The following LANCL3 variants were observed in gnomAD, a reference collection of about 807,000 sequenced individuals.
LANCL3 encodes lanC-like protein 3.
A neutral mutation model predicts 26.5 loss-of-function variants in LANCL3; 19 were observed. The observed-to-expected ratio is 0.72, with a 90% CI of 0.50 to 1.05. LANCL3 has a LOEUF of 1.05. LANCL3 is among the 50% of genes least tolerant of loss of function. The pLI is 0.00. For missense variants in LANCL3, 318 were observed against 362.7 expected, an observed-to-expected ratio of 0.88 and a Z score of 1.00; for synonymous variants, 160 against 166.6, an observed-to-expected ratio of 0.96 and a Z score of 0.30.
intron 1 of LANCL3, among the ~76,000 whole-genome samples, chrX:37,631,510 CT>C (rs1465990618): frequency 6.3e-5 from 7 of 111,210 alleles, no homozygotes; most frequent in South Asian, 3.8e-4. Context: ...AATGTGTTTG[CT>C]CTTGCTTTTC....
intron 1 of LANCL3, among the ~76,000 whole-genome samples, chrX:37,617,979 G>A (rs1380540237): frequency 8.9e-6 from 1 of 112,125 alleles, no homozygotes; most frequent in Non-Finnish European, 1.9e-5. Flanking sequence ...GCTTCAGTCA[G>A]AAGTAGGGTG....
At chrX:37,580,317 G>A (rs183841897) in intron 1 of LANCL3, among the ~76,000 whole-genome samples, 197 of 111,988 alleles carry the variant, frequency 1.8e-3, no homozygotes, top group African/African-American at 6.1e-3. Context: ...GACTAACGAT[G>A]ACTGATCACT....
At position 37,592,533 on chromosome X, in the gene LANCL3, A is replaced by G. The variant is rs187941883; in HGVS notation, c.573+20090A>G. The stretch of plus-strand genomic sequence containing the variant: ...AAATCTATAATTAATATTGTCAGAG[A>G]AGAAAGTAATCACATGTCTGAAATG... On this transcript the variant is annotated intron_variant, in intron 1 of 4. Coordinates refer to ENST00000378619, the MANE Select transcript of LANCL3 (RefSeq NM_001170331.2). Among the ~76,000 whole-genome samples, 115 of 112,456 alleles carry G rather than the reference A, an allele frequency of 1.0e-3. 1 individual carries two copies. The highest frequency in any genetic ancestry group is 2.8e-4 in the Non-Finnish European group (15 of 53,301).
intron 1 of LANCL3, among the ~76,000 whole-genome samples, chrX:37,654,948 C>A (rs1926247134): frequency 8.9e-6 from 1 of 112,271 alleles, no homozygotes; most frequent in Non-Finnish European, 1.9e-5. Flanking sequence ...CCAGGAAGGG[C>A]AGGATGCAAA....
Position 37,677,424 on chromosome X carries a change from A to G in LANCL3, c.*1611A>G, listed in dbSNP as rs1926842976. Reference sequence around the variant, plus strand: ...ATCTGACCAAAGAAAGGTAACAACTATCTTTGTGTATTTTATGACTGTGTG... The same window carrying G: ...ATCTGACCAAAGAAAGGTAACAACTGTCTTTGTGTATTTTATGACTGTGTG... On this transcript the variant is annotated 3_prime_UTR_variant, in exon 5 of 5. Coordinates refer to ENST00000378619, the MANE Select transcript of LANCL3 (RefSeq NM_001170331.2). The G allele has an allele frequency of 8.9e-6, 1 of 111,796 alleles. No homozygotes were observed. The highest frequency in any genetic ancestry group is 1.9e-5 in the Non-Finnish European group (1 of 53,071). The allele number at this position is 111,796 out of a possible 1,213,427, so 9.2% of individuals were successfully genotyped here.
intron 1 of LANCL3, among the ~76,000 whole-genome samples, chrX:37,615,103 T>G (rs1924970363): frequency 1.8e-5 from 2 of 112,101 alleles, no homozygotes; most frequent in South Asian, 7.4e-4. Flanking sequence ...GCCTCACAGA[T>G]GGTAAATTGT....
At chrX:37,579,606 G>A (rs1173869875) in intron 1 of LANCL3, among the ~76,000 whole-genome samples, 3 of 111,434 alleles carry the variant, frequency 2.7e-5, no homozygotes, top group African/African-American at 9.8e-5. Flanking sequence ...AGTATTTTTG[G>A]ACCCCGGATG....
At chrX:37,618,276 C>T (rs1429734559) in intron 1 of LANCL3, among the ~76,000 whole-genome samples, 3 of 112,251 alleles carry the variant, frequency 2.7e-5, no homozygotes, top group African/African-American at 9.7e-5. Flanking sequence ...ACATGTGACC[C>T]TGTGTCTCTT....
intron 1 of LANCL3, among the ~76,000 whole-genome samples, chrX:37,610,475 C>G (rs1264934973): frequency 9.0e-6 from 1 of 110,992 alleles, no homozygotes; most frequent in Non-Finnish European, 1.9e-5. Context: ...CAAAGGGGAC[C>G]CTAAGGTATG....
intron 1 of LANCL3, among the ~76,000 whole-genome samples, chrX:37,634,232 C>T (rs1193104047): frequency 8.9e-6 from 1 of 112,668 alleles, no homozygotes; most frequent in African/African-American, 3.2e-5. Context: ...TAGGACCCTT[C>T]GAGACAGGTG....
At chrX:37,599,583 C>G (rs782606616) in intron 1 of LANCL3, among the ~76,000 whole-genome samples, 9 of 112,224 alleles carry the variant, frequency 8.0e-5, no homozygotes, top group African/African-American at 2.9e-4. Context: ...TCCTGATGCT[C>G]TCTTGGAAAG....
intron 1 of LANCL3, among the ~76,000 whole-genome samples, chrX:37,581,428 T>C (rs1923889921): frequency 8.9e-6 from 1 of 112,325 alleles, no homozygotes; most frequent in African/African-American, 3.2e-5. Context: ...GTTTTTCAAA[T>C]TCCTTTAAAG....
chrX:37,589,022 C>T (rs1436304654), intron 1 of LANCL3, among the ~76,000 whole-genome samples: 9 of 111,775 alleles, frequency 8.1e-5, no homozygotes, highest in African/African-American at 2.3e-4. Flanking sequence ...ACTCACACAA[C>T]GACTTTAGGA....
rs181785673 is a variant in LANCL3 at position 37,631,323 on chromosome X, C to T, written c.574-24365C>T. Among the ~76,000 whole-genome samples, 21 of 111,321 alleles carry T rather than the reference C, an allele frequency of 1.9e-4. No individual in the cohort carries two copies. The East Asian group carries it at 5.9e-3, about 31-fold the overall frequency. ...TCCCCTATATCATTTTTTGTTGTGT[C>T]TATTTGATTCTTCTCTCCTTTCTTC... On this transcript the variant is annotated intron_variant, in intron 1 of 4. Coordinates refer to ENST00000378619, the MANE Select transcript of LANCL3 (RefSeq NM_001170331.2).
At chrX:37,666,015 C>T (rs1926537674) in intron 3 of LANCL3, among the ~76,000 whole-genome samples, 1 of 112,406 alleles carries the variant, frequency 8.9e-6, no homozygotes, top group South Asian at 3.7e-4. Context: ...TGTAGGTAAA[C>T]ATTGTCAGTA....
rs1390757864 is a variant in LANCL3 at position 37,602,072 on chromosome X, C to T, written c.573+29629C>T. On this transcript the variant is annotated intron_variant, in intron 1 of 4. Coordinates refer to ENST00000378619, the MANE Select transcript of LANCL3 (RefSeq NM_001170331.2). ...AGGAAAAAGAGTGAGTGTATTGGGG[C>T]AGGTTGGGAGTTTTGGTAGAGAGAA... 2.7e-5 allele frequency among the ~76,000 whole-genome samples: 3 copies of T among 111,554 alleles called. No individual in the cohort carries two copies. The East Asian group carries it at 8.4e-4, about 31-fold the overall frequency.
intron 1 of LANCL3, among the ~76,000 whole-genome samples, chrX:37,619,396 A>G (rs781961067): frequency 9.0e-6 from 1 of 111,554 alleles, no homozygotes; most frequent in African/African-American, 3.2e-5. Context: ...AAAATCCTTT[A>G]CTTAGAGTTG....
At position 37,677,537 on chromosome X, in the gene LANCL3, G is replaced by C. The variant is rs1215616810; in HGVS notation, c.*1724G>C. ...TTCCTGTTTCATTTTTACATCCTCA[G>C]ATACAACCATATCAAATTGGCCTCA... On this transcript the variant is annotated 3_prime_UTR_variant, in exon 5 of 5. Coordinates refer to ENST00000378619, the MANE Select transcript of LANCL3 (RefSeq NM_001170331.2). The C allele has an allele frequency of 1.8e-5, 2 of 112,133 alleles. No homozygotes were observed. Among genetic ancestry groups the C allele is most frequent in the African/African-American group, 3.2e-5 (1 of 30,905 alleles). The allele number at this position is 112,133 out of a possible 1,213,427, so 9.2% of individuals were successfully genotyped here. A position where few individuals can be genotyped will look rare whatever the true frequency, so the allele number is the denominator to read the frequency against.
intron 1 of LANCL3, among the ~76,000 whole-genome samples, chrX:37,640,031 A>G (rs782583188): frequency 7.1e-5 from 8 of 112,049 alleles, no homozygotes; most frequent in Non-Finnish European, 1.1e-4. Context: ...CTTAATATTG[A>G]TTACTTTATA....
Sources: gnomAD v4.1 joint callset for allele counts (sites outside exome capture counted in the v4.1 genomes callset) on GRCh38, gnomAD v4.1.1 for gene constraint, MANE v1.5 for transcripts, NCBI Gene and HGNC (gene_info 2026-07-23, HGNC 2026-07-21) for gene names.